Variants in PTPRT observed in about 807,000 individuals in gnomAD.
The protein encoded by PTPRT is receptor-type tyrosine-protein phosphatase T.
A neutral mutation model predicts 176.8 loss-of-function variants in PTPRT; 56 were observed. The observed-to-expected ratio is 0.32, with a 90% confidence interval of 0.26 to 0.40. The LOEUF is 0.40. Ranked by LOEUF, PTPRT falls within the 10% of genes least tolerant of loss-of-function variation. The probability of loss-of-function intolerance (pLI) is 1.00; values close to 1 mark genes in which losing one functional copy is unlikely to be tolerated. For missense variants in PTPRT, 1,540 were observed against 1,908.2 expected, an observed-to-expected ratio of 0.81 and a Z score of 3.60; for synonymous variants, 783 against 739.0, an observed-to-expected ratio of 1.06 and a Z score of -0.96.
At chr20:42,776,733 A>G (rs1377369086) in intron 4 of PTPRT, among the ~76,000 whole-genome samples, 2 of 148,778 alleles carry the variant, frequency 1.3e-5, no homozygotes, top group South Asian at 2.1e-4. Flanking sequence ...ATATAATTAT[A>G]TATGATATGC....
intron 1 of PTPRT, among the ~76,000 whole-genome samples, chr20:43,154,763 C>T (rs1455647349): frequency 2.0e-5 from 3 of 152,208 alleles, no homozygotes; most frequent in South Asian, 4.1e-4. Flanking sequence ...ACTGAAGAGA[C>T]AACTCACAGA....
At chr20:42,833,570 G>A (rs760136623) in intron 2 of PTPRT, among the ~76,000 whole-genome samples, 4 of 151,452 alleles carry the variant, frequency 2.6e-5, no homozygotes, top group African/African-American at 7.3e-5. Context: ...ATGACAAAGC[G>A]AGGCCCCATC....
chr20:42,520,265 T>C (rs2072146767), intron 7 of PTPRT, among the ~76,000 whole-genome samples: 3 of 152,100 alleles, frequency 2.0e-5, no homozygotes. Context: ...AGGACAAATA[T>C]AGAGCTTAAT....
intron 9 of PTPRT, among the ~76,000 whole-genome samples, chr20:42,373,766 G>A (rs193287158): frequency 2.6e-5 from 4 of 152,302 alleles, no homozygotes; most frequent in Admixed American, 2.0e-4. Context: ...GAGAATGAAA[G>A]GTCAGATTTC....
intron 15 of PTPRT, among the ~76,000 whole-genome samples, chr20:42,202,168 C>A (rs538771960): frequency 6.6e-6 from 1 of 152,080 alleles, no homozygotes; most frequent in Admixed American, 6.5e-5. Flanking sequence ...CAGCGTTTTA[C>A]CATATTGCCC....
chr20:43,140,600 G>C (rs2013975499), intron 1 of PTPRT, among the ~76,000 whole-genome samples: 1 of 152,014 alleles, frequency 6.6e-6, no homozygotes, highest in Non-Finnish European at 1.5e-5. Context: ...TCTAGTTGTA[G>C]AGTATTAGAG....
intron 7 of PTPRT, among the ~76,000 whole-genome samples, chr20:42,538,144 AC>A (rs1474941805): frequency 6.6e-6 from 1 of 152,082 alleles, no homozygotes; most frequent in Non-Finnish European, 1.5e-5. Flanking sequence ...GAAAAAAAAA[AC>A]AAAACAAATA....
intron 9 of PTPRT, among the ~76,000 whole-genome samples, chr20:42,355,307 T>C (rs1346366815): frequency 6.6e-6 from 1 of 152,194 alleles, no homozygotes; most frequent in Non-Finnish European, 1.5e-5. Flanking sequence ...GATGATTGGC[T>C]ACTTTCCTTT....
intron 1 of PTPRT, among the ~76,000 whole-genome samples, chr20:42,984,587 T>C (rs1223094707): frequency 1.3e-5 from 2 of 152,218 alleles, no homozygotes; most frequent in East Asian, 1.9e-4. Context: ...CACTCCACCA[T>C]CATGCAGCAA....
rs146135079 is a variant in PTPRT, at chr20:42,295,563, G to C, written c.2140-13038C>G. On this transcript the variant is annotated intron_variant, in intron 12 of 30. Coordinates refer to ENST00000373187, the MANE Select transcript of PTPRT (RefSeq NM_007050.6). ...GTAAATCTAAGACTGAAATAAGGTA[G>C]GGGTTGGATGAAAGTAGGATATATA... 2.8e-3 allele frequency among the ~76,000 whole-genome samples: 425 copies of C among 152,310 alleles called. 1 individual carries two copies. Among genetic ancestry groups the C allele is most frequent in the Middle Eastern group, 6.8e-3 (2 of 292 alleles).
intron 7 of PTPRT, among the ~76,000 whole-genome samples, chr20:42,625,259 C>T (rs538902006): frequency 1.3e-5 from 2 of 152,022 alleles, no homozygotes; most frequent in South Asian, 4.2e-4. Context: ...TTCTCTGGGG[C>T]ACGTTCTTAT....
chr20:42,724,580 TC>T (rs1007054059), intron 6 of PTPRT, among the ~76,000 whole-genome samples: 1 of 152,224 alleles, frequency 6.6e-6, no homozygotes, highest in African/African-American at 2.4e-5. Context: ...CTATTGTTTG[TC>T]CCTGGCTGCC....
rs375561971 is a variant in PTPRT, at chr20:42,082,147, T to C, written c.4137-130A>G. On this transcript the variant is annotated intron_variant, in intron 29 of 30. Coordinates refer to ENST00000373187, the MANE Select transcript of PTPRT (RefSeq NM_007050.6). ...TGCAAGGCAAGGCAATGGTGAAGGCTTTAGCCTGAGCCATGAGTTATGGTT... is the reference window on the plus strand; with the variant it reads ...TGCAAGGCAAGGCAATGGTGAAGGCCTTAGCCTGAGCCATGAGTTATGGTT... 80 of 1,336,908 alleles carry C rather than the reference T, an allele frequency of 6.0e-5. 2 individuals are homozygous for C. The South Asian group carries it at 1.1e-3, about 18-fold the overall frequency. 82.8% of individuals were successfully genotyped at this position (1,336,908 alleles called of 1,614,324 possible). A position where few individuals can be genotyped will look rare whatever the true frequency, so the allele number is the denominator to read the frequency against.
intron 15 of PTPRT, among the ~76,000 whole-genome samples, chr20:42,219,497 A>G (rs745758660): frequency 6.6e-6 from 1 of 152,152 alleles, no homozygotes; most frequent in Non-Finnish European, 1.5e-5. Flanking sequence ...TTCCCTTTCA[A>G]CCTGACCCAG....
chr20:42,350,088 C>T (rs1486786034), intron 11 of PTPRT, among the ~76,000 whole-genome samples: 1 of 152,018 alleles, frequency 6.6e-6, no homozygotes, highest in Non-Finnish European at 1.5e-5. Flanking sequence ...GGCAGTGACA[C>T]AAAGAAAAGT....
chr20:42,812,057 T>G (rs193089524), intron 2 of PTPRT, among the ~76,000 whole-genome samples: 3 of 89,958 alleles, frequency 3.3e-5, no homozygotes, highest in East Asian at 6.6e-4. Flanking sequence ...TAGAGAAGTC[T>G]GAGGACAACT....
intron 17 of PTPRT, among the ~76,000 whole-genome samples, chr20:42,156,584 T>C (rs1989364750): frequency 6.6e-6 from 1 of 152,230 alleles, no homozygotes. Context: ...CTAATGGACA[T>C]TGCAAACTCA....
At chr20:42,406,284 GGTACATTTGGT>G (rs1410117163) in intron 9 of PTPRT, among the ~76,000 whole-genome samples, 1 of 151,478 alleles carries the variant, frequency 6.6e-6, no homozygotes, top group Non-Finnish European at 1.5e-5. Flanking sequence ...GAAAAAACAT[GGTACATTTGGT>G]GAAGCAAATG....
intron 1 of PTPRT, among the ~76,000 whole-genome samples, chr20:42,939,092 T>G (rs1980386134): frequency 6.6e-6 from 1 of 152,220 alleles, no homozygotes; most frequent in South Asian, 2.1e-4. Context: ...CATAGAAAGA[T>G]GAGACAAACC....
Sources: allele counts gnomAD v4.1 joint callset (sites outside exome capture counted in the v4.1 genomes callset), GRCh38; gene constraint gnomAD v4.1.1; transcripts MANE v1.5; gene names NCBI Gene and HGNC (gene_info 2026-07-23, HGNC 2026-07-21).